ZDHHC22: variants seen among roughly 807,000 people sequenced by gnomAD.
ZDHHC22 encodes the protein palmitoyltransferase ZDHHC22.
ZDHHC22 carries 13 observed loss-of-function variants against 17.0 expected under a neutral mutation model. The ratio of observed to expected loss-of-function variants is 0.76; its 90% CI spans 0.50 to 1.21. ZDHHC22 has a LOEUF of 1.21. ZDHHC22 is among the 50% of genes most tolerant of loss of function. The pLI, the probability that ZDHHC22 is intolerant of heterozygous loss-of-function variation, is 0.00. For synonymous variants in ZDHHC22, 138 were observed against 154.7 expected (o/e 0.89, Z 0.80); for missense variants, 319 against 342.3 (o/e 0.93, Z 0.54).
chr14:77,134,754 T>C (rs1594829816), intron 2 of ZDHHC22, among the ~76,000 whole-genome samples: 2 of 152,164 alleles, frequency 1.3e-5, no homozygotes, highest in Non-Finnish European at 2.9e-5. Flanking sequence ...TCCTCAGAGT[T>C]TGGGTGGCTG....
intron 2 of ZDHHC22, 119 bp downstream of exon 2, chr14:77,139,094 C>CG: frequency 9.2e-7 from 1 of 1,088,020 alleles, no homozygotes. Flanking sequence ...TTTAGCGGGA[C>CG]GGTCTGTATT....
chr14:77,139,850 G>C, intron 1 of ZDHHC22, 98 bp from the exon 2 acceptor site: 2 of 1,246,698 alleles, frequency 1.6e-6, no homozygotes, highest in South Asian at 3.3e-5. Context: ...CACTGCACGC[G>C]ACTCCACGCC....
At position 77,131,563 on chromosome 14, in the gene ZDHHC22, C is replaced by G. The variant is rs1311218735; in HGVS notation, c.*2120G>C. The G allele has an allele frequency of 6.6e-6, 1 of 152,254 alleles. No homozygotes were observed. Among genetic ancestry groups the G allele is most frequent in the Non-Finnish European group, 1.5e-5 (1 of 68,064 alleles). The allele number at this position is 152,254 out of a possible 1,614,324, so 9.4% of individuals were successfully genotyped here. ...GCCCAGATCTTCCCCTCCTCCCTCTCCCTCCCATTGCTTAAGTATGGCCAG... is the reference window on the plus strand; with the variant it reads ...GCCCAGATCTTCCCCTCCTCCCTCTGCCTCCCATTGCTTAAGTATGGCCAG... On this transcript the variant is annotated 3_prime_UTR_variant, in exon 3 of 3. Coordinates refer to ENST00000319374, the MANE Select transcript of ZDHHC22 (RefSeq NM_174976.2).
In ZDHHC22 at chr14:77,134,241, C is replaced by G. The variant is rs963474; in HGVS notation, c.527-293G>C. 0.5 allele frequency among the ~76,000 whole-genome samples: 75,417 copies of G among 152,006 alleles called. 18,782 individuals carry two copies. Among genetic ancestry groups the G allele is most frequent in the Middle Eastern group, 0.56 (164 of 294 alleles). On this transcript the variant is annotated intron_variant, in intron 2 of 2. Transcript: ENST00000319374. ...CAAGGACAGCCCTCAGCTCCTGGGG[C>G]AGCACCTGGCCGCTGATAACATTTC...
rs984964160 is a variant in ZDHHC22 at position 77,138,574 on chromosome 14, C to A, written c.526+639G>T. Among the ~76,000 whole-genome samples the A allele has an allele frequency of 7.5e-4, 112 of 149,554 alleles. 1 individual carries two copies. The highest frequency in any genetic ancestry group is 2.1e-3 in the African/African-American group (87 of 40,738). The stretch of plus-strand genomic sequence containing the variant: ...GAGACTCTGTCTTAAAAAAAAAAAA[C>A]AAAAAACCTGCCTCTCCCACCCACG... On this transcript the variant is annotated intron_variant, in intron 2 of 2. Transcript: ENST00000319374.
At chr14:77,139,185 C>T (rs1406532235) in intron 2 of ZDHHC22, 28 bp downstream of exon 2, 2 of 1,547,878 alleles carry the variant, frequency 1.3e-6, no homozygotes, top group Non-Finnish European at 8.7e-7. Flanking sequence ...TTGTGTAGAG[C>T]CCAACCTGCC....
In ZDHHC22 at chr14:77,132,487, G is replaced by A. The variant is rs1887045825; in HGVS notation, c.*1196C>T. On this transcript the variant is annotated 3_prime_UTR_variant, in exon 3 of 3. Coordinates refer to ENST00000319374, the MANE Select transcript of ZDHHC22 (RefSeq NM_174976.2). ...AGGCATCTCTGCAGATCTTGCCTCT[G>A]GGTCCAGCAATCACAACCAGGACAT... 6.6e-6 allele frequency: 1 copy of A among 152,208 alleles called. No homozygotes were observed. Among genetic ancestry groups the A allele is most frequent in the Non-Finnish European group, 1.5e-5 (1 of 68,088 alleles). The allele number at this position is 152,208 out of a possible 1,614,324, so 9.4% of individuals were successfully genotyped here.
At chr14:77,135,258 A>G (rs1887114760) in intron 2 of ZDHHC22, among the ~76,000 whole-genome samples, 1 of 149,172 alleles carries the variant, frequency 6.7e-6, no homozygotes, top group Non-Finnish European at 1.5e-5. Flanking sequence ...TCTCAACCAT[A>G]TTTTGCCCTT....
At chr14:77,135,898 A>T (rs1388617450) in intron 2 of ZDHHC22, among the ~76,000 whole-genome samples, 1 of 152,164 alleles carries the variant, frequency 6.6e-6, no homozygotes, top group Non-Finnish European at 1.5e-5. Flanking sequence ...TATTCTGGGG[A>T]CCTGCTTTCT....
At chr14:77,136,949 A>AT (rs1021341630) in intron 2 of ZDHHC22, among the ~76,000 whole-genome samples, 3 of 151,994 alleles carry the variant, frequency 2.0e-5, no homozygotes, top group African/African-American at 7.3e-5. Flanking sequence ...GTATTTATTT[A>AT]TTTTTTATTT....
rs1327765907 is a variant in ZDHHC22, at chr14:77,140,046, G to T, written c.-14-294C>A. ...TGGCACAGGAGGGAGGGACTCGTTT[G>T]CAGTCTTTAGGAGTTGTGAGGGTGG... On this transcript the variant is annotated intron_variant, in intron 1 of 2. Coordinates refer to ENST00000319374, the MANE Select transcript of ZDHHC22 (RefSeq NM_174976.2). This position sits in a 1 kb window ranked among gnomAD's most constrained non-coding sequence, Gnocchi z 5.9. 1.3e-5 allele frequency among the ~76,000 whole-genome samples: 2 copies of T among 152,168 alleles called. No individual in the cohort carries two copies. Among genetic ancestry groups the T allele is most frequent in the African/African-American group, 2.4e-5 (1 of 41,438 alleles).
chr14:77,134,039 G>C (rs1430929617), intron 2 of ZDHHC22, 91 bp from the exon 3 acceptor site: 1 of 1,413,738 alleles, frequency 7.1e-7, no homozygotes, highest in Non-Finnish European at 9.4e-7. Flanking sequence ...CACCGGGAGG[G>C]AGGGAGATTA....
At chr14:77,141,158 A>G (rs1340286919) in intron 1 of ZDHHC22, 2 of 152,100 alleles carry the variant, frequency 1.3e-5, no homozygotes, top group Non-Finnish European at 2.9e-5. Flanking sequence ...GCACGCCCCC[A>G]GTCCTGCGCC....
At chr14:77,135,711 C>G (rs10147405) in intron 2 of ZDHHC22, among the ~76,000 whole-genome samples, 1 of 152,120 alleles carries the variant, frequency 6.6e-6, no homozygotes, top group Non-Finnish European at 1.5e-5. Flanking sequence ...GGCCCTCAAG[C>G]TGGGATGTGA....
In ZDHHC22 at chr14:77,139,836, G is replaced by C; in HGVS notation, c.-14-84C>G. On this transcript the variant is annotated intron_variant, in intron 1 of 2. Transcript: ENST00000319374. The stretch of plus-strand genomic sequence containing the variant: ...GCCCGCTCCTCCGTGCCGCGCGTCT[G>C]GGGCACTGCACGCGACTCCACGCCC... 2.9e-6 allele frequency: 4 copies of C among 1,363,454 alleles called. No homozygotes were observed. In the African/African-American group the frequency reaches 4.4e-5, roughly 15 times the overall value. 84.5% of individuals were successfully genotyped at this position (1,363,454 alleles called of 1,614,324 possible). A position where few individuals can be genotyped will look rare whatever the true frequency, so the allele number is the denominator to read the frequency against.
chr14:77,137,528 C>T (rs1224564436), intron 2 of ZDHHC22, among the ~76,000 whole-genome samples: 2 of 151,182 alleles, frequency 1.3e-5, no homozygotes, highest in Non-Finnish European at 1.5e-5. Context: ...GCTCACACTC[C>T]ACCCACTAGC....
chr14:77,133,631 T>C lies in ZDHHC22; in HGVS notation c.*52A>G, dbSNP rs1037186464. The C allele has an allele frequency of 6.4e-7, 1 of 1,569,136 alleles. No individual in the cohort carries two copies. Among genetic ancestry groups the C allele is most frequent in the Non-Finnish European group, 8.6e-7 (1 of 1,157,008 alleles). On this transcript the variant is annotated 3_prime_UTR_variant, in exon 3 of 3. Coordinates refer to ENST00000319374, the MANE Select transcript of ZDHHC22 (RefSeq NM_174976.2). ...TGGAGACAAGGCTGCCATGGTTTTATGCTCAGGAGGAGTCAAGACAGAGAC... is the reference window on the plus strand; with the variant it reads ...TGGAGACAAGGCTGCCATGGTTTTACGCTCAGGAGGAGTCAAGACAGAGAC...
intron 2 of ZDHHC22, among the ~76,000 whole-genome samples, chr14:77,137,752 C>T (rs1051190754): frequency 6.6e-5 from 10 of 152,178 alleles, no homozygotes; most frequent in African/African-American, 2.2e-4. Flanking sequence ...TGGGCTGTAG[C>T]CACCACAAAG....
In ZDHHC22 at chr14:77,140,009, C is replaced by A. The variant is rs1261750318; in HGVS notation, c.-14-257G>T. Among the ~76,000 whole-genome samples the A allele has an allele frequency of 6.6e-6, 1 of 152,098 alleles. No homozygotes were observed. Among genetic ancestry groups the A allele is most frequent in the Non-Finnish European group, 1.5e-5 (1 of 68,010 alleles). Reference sequence around the variant, plus strand: ...GTTTTGAGCGAGCTCGGCGCCTTGGCGCGGCAGAGTCTGGCACAGGAGGGA... The same window carrying A: ...GTTTTGAGCGAGCTCGGCGCCTTGGAGCGGCAGAGTCTGGCACAGGAGGGA... On this transcript the variant is annotated intron_variant, in intron 1 of 2. Transcript: ENST00000319374. The surrounding 1 kb of genome is among the most constrained non-coding windows in gnomAD (Gnocchi z 5.9).
Sources: allele counts gnomAD v4.1 joint callset (sites outside exome capture counted in the v4.1 genomes callset), GRCh38; gene constraint gnomAD v4.1.1; non-coding constraint Gnocchi (gnomAD v3.1); transcripts MANE v1.5; gene names NCBI Gene and HGNC (gene_info 2026-07-23, HGNC 2026-07-21).